The following SGCZ variants were observed in gnomAD, a reference collection of about 807,000 sequenced individuals.
The protein encoded by SGCZ is sarcoglycan zeta, also known as zeta-sarcoglycan.
SGCZ carries 40 observed loss-of-function variants against 41.3 expected under a neutral mutation model. That is an observed-to-expected ratio of 0.97 (90% CI 0.75 to 1.26). The LOEUF is 1.26. SGCZ is among the 50% of genes most tolerant of loss of function. The pLI is 0.00. For synonymous variants in SGCZ, 206 were observed against 137.5 expected, an observed-to-expected ratio of 1.50 and a Z score of -3.49; for missense variants, 552 against 369.8, an observed-to-expected ratio of 1.49 and a Z score of -4.04.
intron 1 of SGCZ, among the ~76,000 whole-genome samples, chr8:14,826,356 C>T (rs1802315937): frequency 6.6e-6 from 1 of 152,036 alleles, no homozygotes; most frequent in Non-Finnish European, 1.5e-5. Flanking sequence ...GGCTTGGTTC[C>T]AAGTCTTTGC....
At chr8:14,941,600 T>C (rs889173339) in intron 1 of SGCZ, among the ~76,000 whole-genome samples, 3 of 152,016 alleles carry the variant, frequency 2.0e-5, no homozygotes, top group East Asian at 1.9e-4. Flanking sequence ...ATATTACATA[T>C]GTTAAGCATT....
At chr8:15,133,176 C>G (rs1008440161) in intron 1 of SGCZ, among the ~76,000 whole-genome samples, 2 of 140,518 alleles carry the variant, frequency 1.4e-5, no homozygotes, top group Non-Finnish European at 3.1e-5. Context: ...ATAAATAAGA[C>G]AAGTATTCTC....
At chr8:14,270,504 C>T (rs890206828) in intron 3 of SGCZ, among the ~76,000 whole-genome samples, 1 of 152,110 alleles carries the variant, frequency 6.6e-6, no homozygotes, top group Non-Finnish European at 1.5e-5. Context: ...ATGGCCCAAG[C>T]TTCAGGCTAA....
chr8:14,561,755 G>A (rs1804213764), intron 1 of SGCZ, among the ~76,000 whole-genome samples: 1 of 152,070 alleles, frequency 6.6e-6, no homozygotes, highest in African/African-American at 2.4e-5. Flanking sequence ...GGAAGAGCTG[G>A]TTTAAATTTG....
At chr8:14,302,005 A>C (rs1020826848) in intron 3 of SGCZ, among the ~76,000 whole-genome samples, 1 of 152,158 alleles carries the variant, frequency 6.6e-6, no homozygotes, top group Non-Finnish European at 1.5e-5. Flanking sequence ...ATATCTGTCA[A>C]CTTCTTTACA....
intron 1 of SGCZ, among the ~76,000 whole-genome samples, chr8:14,585,423 T>C (rs575359052): frequency 1.4e-4 from 22 of 152,150 alleles, no homozygotes; most frequent in African/African-American, 5.1e-4. Context: ...TACTTCTTTC[T>C]ATTTTTTCTA....
intron 1 of SGCZ, among the ~76,000 whole-genome samples, chr8:14,926,211 C>T (rs1183024479): frequency 6.6e-6 from 1 of 152,032 alleles, no homozygotes; most frequent in East Asian, 1.9e-4. Context: ...TATGCATGTT[C>T]TTATACTCAT....
chr8:15,024,126 C>A (rs1253231735), intron 1 of SGCZ, among the ~76,000 whole-genome samples: 2 of 152,068 alleles, frequency 1.3e-5, no homozygotes, highest in Non-Finnish European at 2.9e-5. Context: ...TGTTTGTATT[C>A]TTAGTATATC....
chr8:14,956,039 CTT>C (rs71884770), intron 1 of SGCZ, among the ~76,000 whole-genome samples: 20,370 of 120,252 alleles, frequency 0.17, 1,258 homozygotes, highest in African/African-American at 0.27. Context: ...ACTACTTTTA[CTT>C]TTTTTTTTTT....
chr8:14,574,994 T>A (rs988922115), intron 1 of SGCZ, among the ~76,000 whole-genome samples: 1 of 152,170 alleles, frequency 6.6e-6, no homozygotes, highest in African/African-American at 2.4e-5. Flanking sequence ...AGAGGATGGT[T>A]TGTGATTATA....
chr8:14,541,672 G>T (rs1198627998), intron 2 of SGCZ, among the ~76,000 whole-genome samples: 2 of 152,098 alleles, frequency 1.3e-5, no homozygotes, highest in African/African-American at 4.8e-5. Context: ...GGGTCAAATG[G>T]TAGTTCTGAT....
chr8:14,160,235 C>T (rs142250167), intron 5 of SGCZ, among the ~76,000 whole-genome samples: 15 of 152,230 alleles, frequency 9.9e-5, no homozygotes, highest in African/African-American at 2.2e-4. Context: ...AACAATTCTA[C>T]GGGGCTGATG....
At chr8:15,033,430 A>G (rs80159918) in intron 1 of SGCZ, among the ~76,000 whole-genome samples, 24,485 of 151,512 alleles carry the variant, frequency 0.16, 2,217 homozygotes, top group South Asian at 0.27. Context: ...TGCCTATTCC[A>G]GAACCAGTCT....
At chr8:15,107,370 G>A (rs1284892003) in intron 1 of SGCZ, among the ~76,000 whole-genome samples, 1 of 152,124 alleles carries the variant, frequency 6.6e-6, no homozygotes, top group Admixed American at 6.5e-5. Context: ...AACTTTTTGG[G>A]TCATGGGAGG....
At chr8:14,123,165 A>C (rs1029384901) in intron 5 of SGCZ, among the ~76,000 whole-genome samples, 78 of 152,336 alleles carry the variant, frequency 5.1e-4, no homozygotes, top group Admixed American at 5.1e-3. Context: ...TGAGATTCCA[A>C]GATATTTATT....
intron 1 of SGCZ, among the ~76,000 whole-genome samples, chr8:15,064,323 C>T (rs561050978): frequency 6.6e-6 from 1 of 152,104 alleles, no homozygotes; most frequent in Admixed American, 6.6e-5. Context: ...ATGACATCAT[C>T]ATTTTTTGTC....
intron 1 of SGCZ, among the ~76,000 whole-genome samples, chr8:15,221,596 T>C (rs1192038567): frequency 6.6e-6 from 1 of 152,170 alleles, no homozygotes; most frequent in Non-Finnish European, 1.5e-5. Flanking sequence ...ATATTTGAAA[T>C]CTGTGAAGAC....
chr8:14,519,163 G>A (rs1448746953), intron 2 of SGCZ, among the ~76,000 whole-genome samples: 1 of 151,240 alleles, frequency 6.6e-6, no homozygotes, highest in African/African-American at 2.4e-5. Flanking sequence ...GCACAAAAAT[G>A]AAATTTAAAT....
chr8:14,398,594 G>A (rs1322719683), intron 2 of SGCZ, among the ~76,000 whole-genome samples: 2 of 152,008 alleles, frequency 1.3e-5, no homozygotes, highest in African/African-American at 4.8e-5. Flanking sequence ...TTGCCTTGGG[G>A]AGTGCTCTGG....
Sources: allele counts gnomAD v4.1 joint callset (sites outside exome capture counted in the v4.1 genomes callset), GRCh38; gene constraint gnomAD v4.1.1; transcripts MANE v1.5; gene names NCBI Gene and HGNC (gene_info 2026-07-23, HGNC 2026-07-21).